Variants in RBFOX1 observed in about 807,000 individuals in gnomAD.
The protein encoded by RBFOX1 is RNA binding protein fox-1 homolog 1.
In RBFOX1, 8 loss-of-function variants were observed where a neutral mutation model predicts 57.7. That is an observed-to-expected ratio of 0.14 (90% CI 0.08 to 0.25). The LOEUF (loss-of-function observed/expected upper bound fraction) is 0.25. RBFOX1 is among the 10% of genes least tolerant of loss of function. RBFOX1 has a pLI of 1.00. For synonymous variants in RBFOX1, 326 were observed against 222.4 expected (o/e 1.47, Z -4.15); for missense variants, 611 against 548.5 (o/e 1.11, Z -1.14).
chr16:7,122,133 C>G (rs2067327870), intron 4 of RBFOX1, among the ~76,000 whole-genome samples: 1 of 152,164 alleles, frequency 6.6e-6, no homozygotes, highest in Admixed American at 6.5e-5. Flanking sequence ...TGCACAATCT[C>G]ACCTCCCCAA....
In RBFOX1 at chr16:5,578,974, A is replaced by C. The variant is rs182121178; in HGVS notation, c.259-19928A>C. ...GTGATTCTCCTGCCTCAGCCTTCTG[A>C]GTAGCTGGGACTACAGGCTTGTACC... On this transcript the variant is annotated intron_variant, in intron 2 of 2. Coordinates refer to the RBFOX1 transcript ENST00000585867. 3.4e-3 allele frequency among the ~76,000 whole-genome samples: 505 copies of C among 149,968 alleles called. 3 individuals are homozygous for C. Among genetic ancestry groups the C allele is most frequent in the Non-Finnish European group, 5.4e-3 (368 of 67,818 alleles).
chr16:7,575,335 A>T (rs1268778060), intron 5 of RBFOX1, among the ~76,000 whole-genome samples: 1 of 152,030 alleles, frequency 6.6e-6, no homozygotes, highest in Non-Finnish European at 1.5e-5. Context: ...GGGTTTCACC[A>T]TGTTGGTCAG....
chr16:6,423,242 C>T (rs561341398), intron 2 of RBFOX1, among the ~76,000 whole-genome samples: 74 of 152,278 alleles, frequency 4.9e-4, no homozygotes, highest in Non-Finnish European at 9.3e-4. Flanking sequence ...TTCGGCCTTC[C>T]GCAAGCTGCA....
chr16:6,751,283 A>G (rs1268800125), intron 3 of RBFOX1, among the ~76,000 whole-genome samples: 2 of 152,110 alleles, frequency 1.3e-5, no homozygotes, highest in African/African-American at 4.8e-5. Flanking sequence ...GTAGGTGGCT[A>G]AGGAGGAAGT....
intron 2 of RBFOX1, among the ~76,000 whole-genome samples, chr16:5,468,451 G>A (rs1351989576): frequency 6.6e-6 from 1 of 152,074 alleles, no homozygotes; most frequent in Non-Finnish European, 1.5e-5. Flanking sequence ...TATAGTAAGT[G>A]GCCTTTTGTG....
chr16:6,418,977 G>A (rs1044162552), intron 2 of RBFOX1, among the ~76,000 whole-genome samples: 1 of 152,128 alleles, frequency 6.6e-6, no homozygotes, highest in African/African-American at 2.4e-5. Flanking sequence ...CGTATGTATG[G>A]GCTTGGAAAC....
chr16:6,152,709 A>C (rs11860562), intron 1 of RBFOX1, among the ~76,000 whole-genome samples: 108,202 of 151,482 alleles, frequency 0.71, 39,135 homozygotes, highest in Middle Eastern at 0.8. Flanking sequence ...GATATGTGGA[A>C]CACATCTTCC....
At chr16:5,270,654 C>T (rs1293952592) in intron 1 of RBFOX1, 10 of 545,696 alleles carry the variant, frequency 1.8e-5, no homozygotes, top group African/African-American at 1.5e-4. Flanking sequence ...CACCAACAGT[C>T]TGCCAAATCC....
intron 1 of RBFOX1, among the ~76,000 whole-genome samples, chr16:5,372,772 G>C (rs1403811828): frequency 6.6e-6 from 1 of 152,246 alleles, no homozygotes; most frequent in African/African-American, 2.4e-5. Flanking sequence ...CAAATAAGGA[G>C]ATTGGTAAAT....
intron 2 of RBFOX1, among the ~76,000 whole-genome samples, chr16:6,341,601 A>G (rs1236181994): frequency 6.6e-6 from 1 of 152,182 alleles, no homozygotes; most frequent in Non-Finnish European, 1.5e-5. Context: ...AATTAAGAAA[A>G]TTAATCCTTT....
intron 3 of RBFOX1, among the ~76,000 whole-genome samples, chr16:7,035,720 C>T (rs1269997255): frequency 1.3e-5 from 2 of 152,122 alleles, no homozygotes; most frequent in South Asian, 2.1e-4. Context: ...TTTTAAATTG[C>T]TAGCAATTAA....
intron 4 of RBFOX1, among the ~76,000 whole-genome samples, chr16:7,273,888 T>C (rs1046554340): frequency 6.6e-6 from 1 of 152,348 alleles, no homozygotes; most frequent in South Asian, 2.1e-4. Flanking sequence ...CGTAAATGTA[T>C]TATGTAATTC....
At chr16:5,542,855 G>A (rs4384606) in intron 2 of RBFOX1, among the ~76,000 whole-genome samples, 47,129 of 152,034 alleles carry the variant, frequency 0.31, 8,648 homozygotes, top group East Asian at 0.85. Context: ...TCAATGACCC[G>A]TTCCAGGGAA....
chr16:7,259,245 A>C (rs2094820516), intron 4 of RBFOX1, among the ~76,000 whole-genome samples: 1 of 152,176 alleles, frequency 6.6e-6, no homozygotes, highest in African/African-American at 2.4e-5. Context: ...AAACTGAAGG[A>C]AGGAAGGCTT....
In RBFOX1 at chr16:5,892,174, C is replaced by T. The variant is rs78134931; in HGVS notation, c.351+24839C>T. Among the ~76,000 whole-genome samples, 52 of 152,206 alleles carry T rather than the reference C, an allele frequency of 3.4e-4. 1 individual carries two copies. The East Asian group carries it at 8.9e-3, about 26-fold the overall frequency. ...GGAACGGTGCAGAGAAAAGAAAAAG[C>T]AGGACAGAGAGAGGGGCTGGCAGTG... On this transcript the variant is annotated intron_variant, in intron 4 of 19. Transcript: ENST00000641259.
At chr16:6,608,018 G>A (rs1472617566) in intron 2 of RBFOX1, among the ~76,000 whole-genome samples, 1 of 152,140 alleles carries the variant, frequency 6.6e-6, no homozygotes, top group Non-Finnish European at 1.5e-5. Context: ...TACATCCTCT[G>A]TAATATTTTA....
At chr16:6,340,580 C>T (rs940923781) in intron 2 of RBFOX1, among the ~76,000 whole-genome samples, 10 of 152,164 alleles carry the variant, frequency 6.6e-5, no homozygotes, top group African/African-American at 2.4e-4. Flanking sequence ...AACTTCCTGA[C>T]GTTGCCTTGT....
At chr16:7,362,103 G>C (rs1192044230) in intron 4 of RBFOX1, among the ~76,000 whole-genome samples, 1 of 150,676 alleles carries the variant, frequency 6.6e-6, no homozygotes. Flanking sequence ...ATGTGTGTTA[G>C]TGTGTGTATG....
chr16:7,229,550 GAGA>G (rs2093354597), intron 4 of RBFOX1, among the ~76,000 whole-genome samples: 1 of 146,952 alleles, frequency 6.8e-6, no homozygotes, highest in African/African-American at 2.5e-5. Context: ...GAAGGAGAGA[GAGA>G]GGAAGGAAGG....
Sources: gnomAD v4.1 joint callset for allele counts (sites outside exome capture counted in the v4.1 genomes callset) on GRCh38, gnomAD v4.1.1 for gene constraint, MANE v1.5 for transcripts, NCBI Gene and HGNC (gene_info 2026-07-23, HGNC 2026-07-21) for gene names.